Variants in XPO6 observed in about 807,000 individuals in gnomAD.
XPO6 encodes the protein exportin-6.
Under a neutral mutation model 130.0 loss-of-function variants are expected in XPO6, and 3 were observed. That is an observed-to-expected ratio of 0.02 (90% CI 0.01 to 0.06). XPO6 has a LOEUF of 0.06. XPO6 is among the 10% of genes least tolerant of loss of function. The pLI is 1.00. For missense variants in XPO6, 970 were observed against 1,393.0 expected (o/e 0.70, Z 4.83); for synonymous variants, 524 against 548.9 (o/e 0.95, Z 0.63).
chr16:28,188,223 T>C lies in XPO6; in HGVS notation c.4-7192A>G, dbSNP rs2043726033. ...TCTCAAAGTTCTGGGATTACAGGCA[T>C]GGGCCAACATGCCCAGCCAAAAATG... is the stretch of plus-strand genomic sequence containing the variant. On this transcript the variant is annotated intron_variant, in intron 1 of 23. Coordinates refer to ENST00000304658, the MANE Select transcript of XPO6 (RefSeq NM_015171.4). Among the ~76,000 whole-genome samples, 4 of 152,244 alleles carry C rather than the reference T, an allele frequency of 2.6e-5. No individual in the cohort carries two copies. In the South Asian group the frequency reaches 6.2e-4, roughly 24 times the overall value.
intron 21 of XPO6, among the ~76,000 whole-genome samples, chr16:28,102,606 C>T (rs1433906650): frequency 3.3e-5 from 5 of 152,102 alleles, no homozygotes; most frequent in East Asian, 1.9e-4. Flanking sequence ...GGCGTGGTGG[C>T]GGACGCCTGT....
At chr16:28,127,606 G>T (rs1424834336) in intron 12 of XPO6, among the ~76,000 whole-genome samples, 2 of 152,176 alleles carry the variant, frequency 1.3e-5, no homozygotes, top group African/African-American at 2.4e-5. Flanking sequence ...CGGATGGGTG[G>T]CACCTGCAGA....
At chr16:28,112,117 C>T in intron 16 of XPO6, 111 bp from the exon 17 acceptor site, 2 of 1,316,138 alleles carry the variant, frequency 1.5e-6, no homozygotes, top group Non-Finnish European at 2.0e-6. Context: ...ACCCTAGCCC[C>T]CAGGCTCGTT....
At chr16:28,120,091 T>C (rs1336665075) in intron 14 of XPO6, among the ~76,000 whole-genome samples, 1 of 152,190 alleles carries the variant, frequency 6.6e-6, no homozygotes, top group Non-Finnish European at 1.5e-5. Context: ...GTGATCCGCC[T>C]GCCTCGGCCT....
intron 12 of XPO6, among the ~76,000 whole-genome samples, chr16:28,128,529 T>C (rs769675315): frequency 1.1e-4 from 17 of 152,176 alleles, no homozygotes; most frequent in Admixed American, 2.6e-4. Context: ...GCTTCTTAAG[T>C]ATTTTAAGTG....
chr16:28,104,461 G>T, intron 21 of XPO6, 85 bp downstream of exon 21: 1 of 1,525,988 alleles, frequency 6.6e-7, no homozygotes, highest in Non-Finnish European at 8.9e-7. Context: ...CTTCAGACCC[G>T]AGACTGTGGG....
In XPO6 at chr16:28,106,029, G is replaced by C. The variant is rs778740368; in HGVS notation, c.2784+14C>G. 6.2e-7 allele frequency: 1 copy of C among 1,611,244 alleles called. No homozygotes were observed. The highest frequency in any genetic ancestry group is 1.1e-5 in the South Asian group (1 of 91,046). On this transcript the variant is annotated intron_variant, in intron 20 of 23. Transcript: ENST00000304658. This position sits in a 1 kb window ranked among gnomAD's most constrained non-coding sequence, Gnocchi z 4.2. Reference sequence around the variant, plus strand: ...GATGGGGGGTGCTGCACAGGGGACCGTCTGAGCCCCTACCTCGGCAATGAT... The same window carrying C: ...GATGGGGGGTGCTGCACAGGGGACCCTCTGAGCCCCTACCTCGGCAATGAT...
chr16:28,153,688 A>C (rs778293597), intron 7 of XPO6: 60 of 985,366 alleles, frequency 6.1e-5, no homozygotes, highest in Non-Finnish European at 7.1e-5. Flanking sequence ...TGAGATGGCC[A>C]TACCTTCATA....
chr16:28,105,882 G>T, intron 20 of XPO6, 161 bp downstream of exon 20: 1 of 1,052,842 alleles, frequency 9.5e-7, no homozygotes, highest in Non-Finnish European at 1.4e-6. Flanking sequence ...TAAAAACACT[G>T]TACCACACCA....
intron 7 of XPO6, chr16:28,153,678 T>TGA: frequency 4.1e-6 from 4 of 985,334 alleles, no homozygotes; most frequent in Non-Finnish European, 3.6e-6. Flanking sequence ...GATTAGAAAA[T>TGA]GAGATGGCCA....
chr16:28,201,606 C>A (rs2043953643), intron 1 of XPO6, among the ~76,000 whole-genome samples: 1 of 152,148 alleles, frequency 6.6e-6, no homozygotes, highest in South Asian at 2.1e-4. Context: ...CCTGTAATCC[C>A]AGCAATTGGG....
intron 6 of XPO6, among the ~76,000 whole-genome samples, chr16:28,160,640 TC>T (rs1174300033): frequency 2.6e-5 from 4 of 152,240 alleles, no homozygotes; most frequent in Admixed American, 6.5e-5. Flanking sequence ...TATTTGATGT[TC>T]TTTCTATGTA....
intron 7 of XPO6, chr16:28,153,210 G>A: frequency 1.0e-6 from 1 of 992,650 alleles, no homozygotes; most frequent in Non-Finnish European, 1.2e-6. Context: ...ACAAAACCAG[G>A]CTACGAAGGG....
At chr16:28,125,887 C>T in intron 12 of XPO6, 39 bp from the exon 13 acceptor site, 1 of 1,599,310 alleles carries the variant, frequency 6.3e-7, no homozygotes, top group Non-Finnish European at 8.5e-7. Flanking sequence ...CACAGGAAGA[C>T]CACGCTTTAG....
At chr16:28,181,420 C>G (rs1460472071) in intron 1 of XPO6, among the ~76,000 whole-genome samples, 2 of 152,164 alleles carry the variant, frequency 1.3e-5, no homozygotes, top group African/African-American at 4.8e-5. Context: ...TGATACATTT[C>G]CCCTGTGTCT....
chr16:28,111,430 T>A (rs1293516414), intron 17 of XPO6: 3 of 158,316 alleles, frequency 1.9e-5, no homozygotes, highest in Non-Finnish European at 4.2e-5. Flanking sequence ...AAATAGTTCT[T>A]GAGCGCATTT....
At chr16:28,157,429 T>C (rs2043201641) in intron 6 of XPO6, among the ~76,000 whole-genome samples, 1 of 152,054 alleles carries the variant, frequency 6.6e-6, no homozygotes, top group Non-Finnish European at 1.5e-5. Flanking sequence ...CACTCCAGCC[T>C]GGGCATCAAG....
chr16:28,149,455 A>G (rs756647842), intron 8 of XPO6, among the ~76,000 whole-genome samples: 11 of 152,250 alleles, frequency 7.2e-5, no homozygotes, highest in Non-Finnish European at 1.2e-4. Flanking sequence ...CATGTACCAT[A>G]TAACAACATT....
rs1298652833 is a variant in XPO6 at position 28,140,315 on chromosome 16, A to C, written c.1335-4991T>G. ...TATGGAAAATCCCCAAATATTCGGA[A>C]ACTAAACAGGAAATCTCCAAAGAAA... On this transcript the variant is annotated intron_variant, in intron 9 of 23. Transcript: ENST00000304658. Among the ~76,000 whole-genome samples, 3 of 152,162 alleles carry C rather than the reference A, an allele frequency of 2.0e-5. No homozygotes were observed. The East Asian group carries it at 5.8e-4, about 29-fold the overall frequency.
Sources: gnomAD v4.1 joint callset for allele counts (sites outside exome capture counted in the v4.1 genomes callset) on GRCh38, gnomAD v4.1.1 for gene constraint, Gnocchi (gnomAD v3.1) non-coding constraint, MANE v1.5 for transcripts, NCBI Gene and HGNC (gene_info 2026-07-23, HGNC 2026-07-21) for gene names.